WWP1: variants seen among roughly 807,000 people sequenced by gnomAD.
WWP1 encodes the protein WW domain containing E3 ubiquitin protein ligase 1.
Under a neutral mutation model 130.6 loss-of-function variants are expected in WWP1, and 49 were observed. The ratio of observed to expected loss-of-function variants is 0.38; its 90% CI spans 0.30 to 0.48. The LOEUF (loss-of-function observed/expected upper bound fraction) is 0.48. Ranked by LOEUF, WWP1 falls within the 20% of genes least tolerant of loss-of-function variation. WWP1 has a pLI of 0.99. For missense variants in WWP1, 809 were observed against 1,100.6 expected (o/e 0.74, Z 3.75); for synonymous variants, 332 against 367.8 (o/e 0.90, Z 1.11).
chr8:86,356,765 C>T (rs1268609371), intron 1 of WWP1, among the ~76,000 whole-genome samples: 1 of 152,140 alleles, frequency 6.6e-6, no homozygotes, highest in Non-Finnish European at 1.5e-5. Context: ...TCCTTTCCTG[C>T]AATGGAGGAA....
chr8:86,433,170 C>T (rs992743100), intron 14 of WWP1, among the ~76,000 whole-genome samples: 5 of 151,882 alleles, frequency 3.3e-5, no homozygotes, highest in African/African-American at 1.2e-4. Flanking sequence ...CTTGATTTCC[C>T]TCTGCGTTTC....
intron 18 of WWP1, among the ~76,000 whole-genome samples, chr8:86,447,049 A>G (rs113040107): frequency 1.5e-4 from 23 of 152,264 alleles, no homozygotes; most frequent in African/African-American, 5.5e-4. Flanking sequence ...GTCATCTAGG[A>G]AAGTGGGAGA....
intron 18 of WWP1, among the ~76,000 whole-genome samples, chr8:86,447,732 G>A (rs1810961829): frequency 1.3e-5 from 2 of 152,114 alleles, no homozygotes; most frequent in African/African-American, 2.4e-5. Flanking sequence ...GAATAGGAGC[G>A]AAGGCACGAT....
chr8:86,429,887 C>T (rs1035431287), intron 11 of WWP1, among the ~76,000 whole-genome samples: 5 of 152,192 alleles, frequency 3.3e-5, no homozygotes, highest in Admixed American at 6.5e-5. Flanking sequence ...ATAGTCTCCT[C>T]TTCGTGACAT....
At chr8:86,356,381 T>G (rs533668743) in intron 1 of WWP1, among the ~76,000 whole-genome samples, 215 of 151,966 alleles carry the variant, frequency 1.4e-3, no homozygotes, top group African/African-American at 4.9e-3. Context: ...GGGAAACCTG[T>G]TTTCTGATGT....
chr8:86,429,034 A>C (rs1007864713), intron 11 of WWP1, among the ~76,000 whole-genome samples: 2 of 151,960 alleles, frequency 1.3e-5, no homozygotes, highest in African/African-American at 4.8e-5. Context: ...TGCTGCATTG[A>C]CTCAGTAGTG....
At chr8:86,435,820 T>C in intron 16 of WWP1, 116 bp downstream of exon 16, 1 of 915,436 alleles carries the variant, frequency 1.1e-6, no homozygotes, top group Non-Finnish European at 1.6e-6. Flanking sequence ...ATAATAATAA[T>C]GACTGCCACC....
chr8:86,461,870 G>A (rs1811785095), intron 24 of WWP1, 24 bp downstream of exon 24: 7 of 1,566,410 alleles, frequency 4.5e-6, no homozygotes, highest in Non-Finnish European at 5.3e-6. Flanking sequence ...TCCTAAATAC[G>A]AAGGTGAAAG....
At chr8:86,422,136 C>T (rs975600897) in intron 9 of WWP1, among the ~76,000 whole-genome samples, 1 of 152,062 alleles carries the variant, frequency 6.6e-6, no homozygotes, top group African/African-American at 2.4e-5. Context: ...TCACAAAATA[C>T]ACATTTGTAA....
At chr8:86,365,344 A>T (rs1823912124) in intron 1 of WWP1, among the ~76,000 whole-genome samples, 1 of 152,194 alleles carries the variant, frequency 6.6e-6, no homozygotes, top group African/African-American at 2.4e-5. Flanking sequence ...TGGAGGGAAG[A>T]TAGTCGAAGT....
At chr8:86,452,407 T>G (rs1453802464) in intron 20 of WWP1, 152 bp from the exon 21 acceptor site, 1 of 544,038 alleles carries the variant, frequency 1.8e-6, no homozygotes, top group African/African-American at 1.9e-5. Flanking sequence ...TAAAATTATA[T>G]GTATTCATAC....
chr8:86,425,435 ATTTCC>A, intron 10 of WWP1, 117 bp downstream of exon 10: 2 of 615,322 alleles, frequency 3.3e-6, no homozygotes, highest in South Asian at 6.8e-5. Context: ...ATTTCTTTAC[ATTTCC>A]TTATATAAAT....
chr8:86,461,762 T>C lies in WWP1; in HGVS notation c.2597-12T>C, dbSNP rs368385703. 2.0e-5 allele frequency: 33 copies of C among 1,611,152 alleles called. No individual in the cohort carries two copies. The highest frequency in any genetic ancestry group is 2.8e-5 in the Non-Finnish European group (33 of 1,178,860). ...AGGACCAGATAAACTTTGTCTTATTTTCTTGGTGTAGGAAGTAATGGGCCT... is the reference window on the plus strand; with the variant it reads ...AGGACCAGATAAACTTTGTCTTATTCTCTTGGTGTAGGAAGTAATGGGCCT... On this transcript the variant is annotated splice_polypyrimidine_tract_variant and intron_variant, in intron 23 of 24. Coordinates refer to ENST00000517970, the MANE Select transcript of WWP1 (RefSeq NM_007013.4).
chr8:86,454,032 TAGCCTTCTG>T lies in WWP1; in HGVS notation c.2394+1354_2394+1362del, dbSNP rs577408308. Among the ~76,000 whole-genome samples, 31 of 152,258 alleles carry T rather than the reference TAGCCTTCTG, an allele frequency of 2.0e-4. No individual in the cohort carries two copies. The East Asian group carries it at 5.8e-3, about 28-fold the overall frequency. ...TACAGTAATATTCCTATGTAGGATT[TAGCCTTCTG>T]GCAAGTCTGACTAACCTAGGAAGTA... On this transcript the variant is annotated intron_variant, in intron 21 of 24. Coordinates refer to ENST00000517970, the MANE Select transcript of WWP1 (RefSeq NM_007013.4).
chr8:86,411,662 T>G lies in WWP1; in HGVS notation c.849T>G (p.Val283=), dbSNP rs1304704476. 2 of 1,614,132 alleles carry G rather than the reference T, an allele frequency of 1.2e-6. No homozygotes were observed. Among genetic ancestry groups the G allele is most frequent in the Non-Finnish European group, 1.7e-6 (2 of 1,180,024 alleles). The change falls in exon 9 of 25, where the codon GTT becomes GTG. Residue 283 remains valine (V), a synonymous_variant. Transcript: ENST00000517970. The part of the protein sequence containing the change: ...CTSTTVEDPP[V]QEILTSSENN... ...GTACTACTGTTGAAGATCCTCCAGT[T>G]CAAGAAATACTGACTTCCTCAGAAA...
intron 9 of WWP1, among the ~76,000 whole-genome samples, chr8:86,416,039 A>G (rs1808873591): frequency 6.6e-6 from 1 of 152,244 alleles, no homozygotes; most frequent in African/African-American, 2.4e-5. Flanking sequence ...AGAAATGGTT[A>G]ACAAGGTCAA....
chr8:86,430,829 A>ATATATATATATG (rs1281641543), intron 12 of WWP1, 78 bp downstream of exon 12: 326 of 537,748 alleles, frequency 6.1e-4, no homozygotes, highest in African/African-American at 2.5e-3. Context: ...ATATATATAT[A>ATATATATATATG]TATGTTCCTT....
chr8:86,468,425 T>C lies in WWP1; in HGVS notation c.*1532T>C, dbSNP rs1048338065. 6.9e-6 allele frequency: 3 copies of C among 437,598 alleles called. No homozygotes were observed. Among genetic ancestry groups the C allele is most frequent in the African/African-American group, 6.2e-5 (3 of 48,554 alleles). The allele number at this position is 437,598 out of a possible 1,614,324, so 27.1% of individuals were successfully genotyped here. A position where few individuals can be genotyped will look rare whatever the true frequency, so the allele number is the denominator to read the frequency against. On this transcript the variant is annotated 3_prime_UTR_variant, in exon 25 of 25. Coordinates refer to ENST00000517970, the MANE Select transcript of WWP1 (RefSeq NM_007013.4). ...TGAACACTCTGGTAATTTTCAAGCC[T>C]AAAGAATTAAAAAAAAAATTCTAAT...
Position 86,405,326 on chromosome 8 carries a change from AT to A in WWP1, c.724+3144del, listed in dbSNP as rs35346142. On this transcript the variant is annotated intron_variant, in intron 8 of 24. Coordinates refer to ENST00000517970, the MANE Select transcript of WWP1 (RefSeq NM_007013.4). ...TCTTGAAATCTCTGAAACCAAAAGGATTTTTTTTTTTTTTTTTTTTTGGTAA... is the reference window on the plus strand; with the variant it reads ...TCTTGAAATCTCTGAAACCAAAAGGATTTTTTTTTTTTTTTTTTTTGGTAA... 3.0e-3 allele frequency among the ~76,000 whole-genome samples: 390 copies of A among 128,852 alleles called. 1 individual carries two copies. Among genetic ancestry groups the A allele is most frequent in the Middle Eastern group, 8.6e-3 (2 of 232 alleles). The allele number at this position is 128,852 out of a possible 152,430, so 84.5% of individuals were successfully genotyped here.
Sources: allele counts gnomAD v4.1 joint callset (sites outside exome capture counted in the v4.1 genomes callset), GRCh38; gene constraint gnomAD v4.1.1; transcripts MANE v1.5; gene names NCBI Gene and HGNC (gene_info 2026-07-23, HGNC 2026-07-21).